The following CACNG5 variants were observed in gnomAD, a reference collection of about 807,000 sequenced individuals.
CACNG5 encodes voltage-dependent calcium channel gamma-5 subunit.
A neutral mutation model predicts 24.8 loss-of-function variants in CACNG5; 18 were observed. That is an observed-to-expected ratio of 0.73 (90% CI 0.50 to 1.08). The LOEUF (loss-of-function observed/expected upper bound fraction) is 1.08, where lower values mean the gene tolerates loss of function less well. Among genes scored for constraint, CACNG5 ranks in the 50% least tolerant of loss-of-function variants. CACNG5 has a pLI of 0.00. For missense variants in CACNG5, 349 were observed against 367.9 expected, an observed-to-expected ratio of 0.95 and a Z score of 0.42; for synonymous variants, 157 against 149.1, an observed-to-expected ratio of 1.05 and a Z score of -0.39.
chr17:66,890,140 T>A lies in CACNG5; in HGVS notation c.*4900T>A, dbSNP rs1006931224. 6.6e-6 allele frequency among the ~76,000 whole-genome samples: 1 copy of A among 152,118 alleles called. No individual in the cohort carries two copies. The highest frequency in any genetic ancestry group is 2.4e-5 in the African/African-American group (1 of 41,434). On this transcript the variant is annotated 3_prime_UTR_variant, in exon 6 of 6. Transcript: ENST00000533854. ...GGAACACAGCACTCTGCCTAGGGAG[T>A]AGGTGCACAGGTGGATGGATGAGTG...
chr17:66,868,474 C>A (rs1251156199), intron 1 of CACNG5, among the ~76,000 whole-genome samples: 1 of 152,232 alleles, frequency 6.6e-6, no homozygotes, highest in Non-Finnish European at 1.5e-5. Context: ...GCAATGCTCA[C>A]TCTCCAAAGG....
At chr17:66,856,802 C>T (rs571959313) in intron 1 of CACNG5, among the ~76,000 whole-genome samples, 3 of 152,162 alleles carry the variant, frequency 2.0e-5, no homozygotes, top group African/African-American at 7.2e-5. Flanking sequence ...CTCAGCCTCT[C>T]AAAGTACTGG....
chr17:66,857,825 C>G (rs1261390060), intron 1 of CACNG5, among the ~76,000 whole-genome samples: 1 of 152,184 alleles, frequency 6.6e-6, no homozygotes, highest in East Asian at 1.9e-4. Flanking sequence ...GAGAGTTTTA[C>G]AAAACACTAA....
chr17:66,873,348 A>C (rs972543412), intron 1 of CACNG5, among the ~76,000 whole-genome samples: 30 of 152,274 alleles, frequency 2.0e-4, no homozygotes, highest in African/African-American at 7.2e-4. Context: ...AAATAGATGA[A>C]ACTTTTTGGT....
At chr17:66,880,536 C>T in intron 3 of CACNG5, 21 bp from the exon 4 acceptor site, 1 of 1,614,020 alleles carries the variant, frequency 6.2e-7, no homozygotes, top group Admixed American at 1.7e-5. Flanking sequence ...TGACAGGCCG[C>T]CCTTTTGTCC....
At chr17:66,882,291 G>A (rs184025230) in intron 4 of CACNG5, among the ~76,000 whole-genome samples, 48 of 152,280 alleles carry the variant, frequency 3.2e-4, no homozygotes, top group African/African-American at 8.7e-4. Flanking sequence ...AGGGATCACA[G>A]GAGGAGCAGA....
In CACNG5 at chr17:66,842,183, G is replaced by T. The variant is rs550290029; in HGVS notation, c.-104+6933G>T. Among the ~76,000 whole-genome samples, 3 of 152,192 alleles carry T rather than the reference G, an allele frequency of 2.0e-5. No homozygotes were observed. The East Asian group carries it at 5.8e-4, about 30-fold the overall frequency. ...TGAAATATAAAAGTGATCCCACGGT[G>T]GGGGAGTGGCTTATCAGCCTCTACC... On this transcript the variant is annotated intron_variant, in intron 1 of 5. Coordinates refer to ENST00000533854, the MANE Select transcript of CACNG5 (RefSeq NM_145811.3).
At position 66,893,220 on chromosome 17, in the gene CACNG5, G is replaced by A. The variant is rs1261088551; in HGVS notation, c.*7980G>A. ...TGGCACCTACAGTCCTAAATGTTCT[G>A]CATGGTAAATGTACCCTCTTCTATA... On this transcript the variant is annotated 3_prime_UTR_variant, in exon 6 of 6. Transcript: ENST00000533854. Among the ~76,000 whole-genome samples the A allele has an allele frequency of 6.6e-6, 1 of 152,114 alleles. No individual in the cohort carries two copies. Among genetic ancestry groups the A allele is most frequent in the Non-Finnish European group, 1.5e-5 (1 of 68,024 alleles).
At chr17:66,841,287 G>C (rs889982411) in intron 1 of CACNG5, among the ~76,000 whole-genome samples, 5 of 152,220 alleles carry the variant, frequency 3.3e-5, no homozygotes, top group African/African-American at 1.2e-4. Flanking sequence ...CGTTCCAAAA[G>C]AGGCAATCAG....
rs1977285615 is a variant in CACNG5 at position 66,887,942 on chromosome 17, A to T, written c.*2702A>T. On this transcript the variant is annotated 3_prime_UTR_variant, in exon 6 of 6. Coordinates refer to ENST00000533854, the MANE Select transcript of CACNG5 (RefSeq NM_145811.3). ...CAGGGCCTAGTTGCAGCCTCTCCTC[A>T]ATCAGGAGACTTTTACCAAACGTTA... 6.6e-6 allele frequency among the ~76,000 whole-genome samples: 1 copy of T among 152,156 alleles called. No homozygotes were observed. Among genetic ancestry groups the T allele is most frequent in the South Asian group, 2.1e-4 (1 of 4,832 alleles).
At chr17:66,851,723 A>G (rs140396222) in intron 1 of CACNG5, among the ~76,000 whole-genome samples, 192 of 152,362 alleles carry the variant, frequency 1.3e-3, no homozygotes, top group African/African-American at 4.4e-3. Context: ...AAACACAAAC[A>G]ATATTGGGAA....
chr17:66,860,818 C>A (rs3859213), intron 1 of CACNG5, among the ~76,000 whole-genome samples: 1 of 151,904 alleles, frequency 6.6e-6, no homozygotes, highest in African/African-American at 2.4e-5. Flanking sequence ...AACACAAATA[C>A]GTAAACTTTC....
At chr17:66,853,617 G>A (rs1249182919) in intron 1 of CACNG5, among the ~76,000 whole-genome samples, 2 of 152,118 alleles carry the variant, frequency 1.3e-5, no homozygotes, top group Non-Finnish European at 2.9e-5. Flanking sequence ...GAGTATATAT[G>A]TAAGACAACA....
chr17:66,883,657 A>G (rs538872233), intron 4 of CACNG5, among the ~76,000 whole-genome samples: 1 of 152,106 alleles, frequency 6.6e-6, no homozygotes, highest in South Asian at 2.1e-4. Flanking sequence ...TACCTCCCCT[A>G]CCTAAAGATC....
chr17:66,848,936 A>G (rs1414095088), intron 1 of CACNG5, among the ~76,000 whole-genome samples: 6 of 152,178 alleles, frequency 3.9e-5, no homozygotes, highest in Admixed American at 6.5e-5. Flanking sequence ...CTCCCCAGGA[A>G]GGCCAGGGCA....
intron 1 of CACNG5, among the ~76,000 whole-genome samples, chr17:66,868,887 G>A (rs1363314131): frequency 6.6e-6 from 1 of 152,192 alleles, no homozygotes; most frequent in Non-Finnish European, 1.5e-5. Context: ...GGAGATGAGA[G>A]AGGAGACAGG....
intron 1 of CACNG5, among the ~76,000 whole-genome samples, chr17:66,856,529 C>T (rs1008592709): frequency 3.6e-5 from 5 of 140,604 alleles, no homozygotes; most frequent in South Asian, 2.4e-4. Context: ...AAGGATCCCT[C>T]GTGTTGCCCC....
intron 1 of CACNG5, among the ~76,000 whole-genome samples, chr17:66,846,449 A>G (rs67340381): frequency 0.091 from 13,810 of 152,190 alleles, 879 homozygotes; most frequent in African/African-American, 0.19. Flanking sequence ...TTTGCCTTTT[A>G]TGGACACATC....
chr17:66,883,960 T>C (rs936220199), intron 4 of CACNG5, among the ~76,000 whole-genome samples: 3 of 152,048 alleles, frequency 2.0e-5, no homozygotes, highest in Middle Eastern at 3.4e-3. Context: ...TGGAGAAACC[T>C]TGTCTCTACT....
Sources: allele counts gnomAD v4.1 joint callset (sites outside exome capture counted in the v4.1 genomes callset), GRCh38; gene constraint gnomAD v4.1.1; transcripts MANE v1.5; gene names NCBI Gene and HGNC (gene_info 2026-07-23, HGNC 2026-07-21).